Variants in RS1 observed in about 807,000 individuals in gnomAD.
RS1 encodes the protein retinoschisin.
RS1 carries 2 observed loss-of-function variants against 20.8 expected under a neutral mutation model. The observed-to-expected ratio is 0.10, with a 90% CI of 0.04 to 0.30. The LOEUF (loss-of-function observed/expected upper bound fraction) is 0.30, where lower values mean the gene tolerates loss of function less well. Ranked by LOEUF, RS1 falls within the 10% of genes least tolerant of loss-of-function variation. RS1 has a pLI of 1.00. For missense variants in RS1, 151 were observed against 189.8 expected (o/e 0.80, Z 1.20); for synonymous variants, 70 against 75.8 (o/e 0.92, Z 0.40).
chrX:18,650,007 A>C, intron 3 of RS1: 1 of 244,885 alleles, frequency 4.1e-6, no homozygotes, highest in Admixed American at 5.4e-5. Flanking sequence ...CAGGGCTACT[A>C]GCTCTGAGAG....
At chrX:18,670,487 A>G (rs1462877059) in intron 1 of RS1, among the ~76,000 whole-genome samples, 1 of 110,675 alleles carries the variant, frequency 9.0e-6, no homozygotes, top group East Asian at 2.8e-4. Flanking sequence ...TCAGCCTCCC[A>G]AAGTGCTGGG....
At chrX:18,670,947 G>A (rs990391758) in intron 1 of RS1, among the ~76,000 whole-genome samples, 3 of 111,937 alleles carry the variant, frequency 2.7e-5, no homozygotes, top group Non-Finnish European at 5.6e-5. Context: ...ATGTGACTAA[G>A]TAACAAAAGT....
intron 3 of RS1, among the ~76,000 whole-genome samples, chrX:18,655,416 C>T (rs1290959628): frequency 4.5e-5 from 5 of 112,158 alleles, no homozygotes. Flanking sequence ...CACAAAGCCA[C>T]AAATATTTCC....
intron 3 of RS1, chrX:18,653,723 C>A: frequency 1.7e-6 from 1 of 605,226 alleles, no homozygotes; most frequent in South Asian, 2.8e-5. Flanking sequence ...AATCCCAGCA[C>A]TTTGGGAGGC....
chrX:18,645,604 G>T (rs1045019501), intron 4 of RS1, among the ~76,000 whole-genome samples: 2 of 110,342 alleles, frequency 1.8e-5, no homozygotes, highest in Non-Finnish European at 3.8e-5. Flanking sequence ...ACTTCTGTCG[G>T]TCTCCACCGC....
chrX:18,663,061 A>T (rs1602322526), intron 1 of RS1, among the ~76,000 whole-genome samples: 2 of 69,782 alleles, frequency 2.9e-5, no homozygotes, highest in Admixed American at 2.0e-4. Flanking sequence ...TTTTTTTGAG[A>T]CGGAGTTTCA....
intron 4 of RS1, among the ~76,000 whole-genome samples, 188 bp downstream of exon 4, chrX:18,647,003 G>A (rs1047263683): frequency 2.8e-5 from 3 of 107,505 alleles, no homozygotes; most frequent in Non-Finnish European, 5.8e-5. Flanking sequence ...TGTAACCTCC[G>A]CTTCCCAGGT....
chrX:18,649,055 A>G (rs902973995), intron 3 of RS1, among the ~76,000 whole-genome samples: 9 of 109,234 alleles, frequency 8.2e-5, no homozygotes, highest in Non-Finnish European at 1.3e-4. Context: ...AAAAAAAAAA[A>G]AAAAGAAAAC....
intron 3 of RS1, chrX:18,647,611 G>A: frequency 2.9e-6 from 1 of 340,496 alleles, no homozygotes; most frequent in Non-Finnish European, 5.2e-6. Context: ...AGGGGTGTGT[G>A]GAATTTTGAG....
chrX:18,643,226 C>T (rs1300771874), intron 5 of RS1, among the ~76,000 whole-genome samples: 1 of 111,837 alleles, frequency 8.9e-6, no homozygotes, highest in African/African-American at 3.3e-5. Flanking sequence ...AGTCATGGTG[C>T]TCTGCCTGAT....
intron 3 of RS1, 23 bp from the exon 4 acceptor site, chrX:18,647,355 C>T (rs1015889377): frequency 8.3e-7 from 1 of 1,202,959 alleles, no homozygotes; most frequent in Non-Finnish European, 1.1e-6. Context: ...AAAGAATTCA[C>T]ATTCACACAT....
intron 3 of RS1, among the ~76,000 whole-genome samples, chrX:18,651,254 TGTGTGTGTGTGA>T (rs1386025675): frequency 1.1e-4 from 11 of 99,071 alleles, no homozygotes; most frequent in African/African-American, 3.5e-4. Context: ...TGTGTGTGTG[TGTGTGTGTGTGA>T]GAGAGAGAGA....
chrX:18,664,198 A>C (rs1190886694), intron 1 of RS1, among the ~76,000 whole-genome samples: 1 of 112,419 alleles, frequency 8.9e-6, no homozygotes, highest in Non-Finnish European at 1.9e-5. Flanking sequence ...ACATCGGGGT[A>C]TGTTTACACA....
chrX:18,652,906 A>T (rs1412276870), intron 3 of RS1, among the ~76,000 whole-genome samples: 1 of 112,731 alleles, frequency 8.9e-6, no homozygotes, highest in Non-Finnish European at 1.9e-5. Context: ...TGTATATTTC[A>T]TATTCTAGCC....
At chrX:18,668,113 A>G (rs1417071513) in intron 1 of RS1, among the ~76,000 whole-genome samples, 3 of 112,436 alleles carry the variant, frequency 2.7e-5, no homozygotes, top group East Asian at 2.8e-4. Flanking sequence ...CTCAGCCTCT[A>G]AAGGAAAAAT....
chrX:18,662,147 A>G (rs1462941485), intron 1 of RS1, among the ~76,000 whole-genome samples: 2 of 112,264 alleles, frequency 1.8e-5, no homozygotes, highest in Non-Finnish European at 3.8e-5. Context: ...TGGCACCTTG[A>G]TCGTGGACTT....
At chrX:18,671,939 AT>A (rs1454809759) in intron 1 of RS1, 77 bp downstream of exon 1, 5 of 819,507 alleles carry the variant, frequency 6.1e-6, no homozygotes, top group Non-Finnish European at 7.4e-6. Flanking sequence ...TATTCAGGCT[AT>A]ATTCCTATTT....
chrX:18,653,817 A>C (rs1209446565), intron 3 of RS1, among the ~76,000 whole-genome samples: 2 of 109,580 alleles, frequency 1.8e-5, no homozygotes, highest in Non-Finnish European at 1.9e-5. Context: ...AAATACAAAA[A>C]ATTAGCTGGG....
At chrX:18,653,623 C>CCT in intron 3 of RS1, 1 of 1,110,698 alleles carries the variant, frequency 9.0e-7, no homozygotes, top group African/African-American at 1.8e-5. Context: ...AATGAATCAA[C>CCT]CATTAACGCT....
Sources: allele counts gnomAD v4.1 joint callset (sites outside exome capture counted in the v4.1 genomes callset), GRCh38; gene constraint gnomAD v4.1.1; transcripts MANE v1.5; gene names NCBI Gene and HGNC (gene_info 2026-07-23, HGNC 2026-07-21).